RRM1: variants seen among roughly 807,000 people sequenced by gnomAD.
The protein encoded by RRM1 is ribonucleotide reductase catalytic subunit M1.
In RRM1, 19 loss-of-function variants were observed where a neutral mutation model predicts 101.5. The observed-to-expected ratio is 0.19, with a 90% CI of 0.13 to 0.27. The LOEUF is 0.27. Among genes scored for constraint, RRM1 ranks in the 10% least tolerant of loss-of-function variants. RRM1 has a pLI of 1.00. For synonymous variants in RRM1, 298 were observed against 323.4 expected (o/e 0.92, Z 0.84); for missense variants, 500 against 962.9 (o/e 0.52, Z 6.36).
chr11:4,116,909 G>A (rs111779604), intron 7 of RRM1, among the ~76,000 whole-genome samples: 2 of 151,728 alleles, frequency 1.3e-5, no homozygotes, highest in African/African-American at 4.8e-5. Flanking sequence ...CAAAGCTGCT[G>A]TGAGCTATGA....
intron 7 of RRM1, 143 bp downstream of exon 7, chr11:4,112,205 T>TA (rs1244400763): frequency 1.6e-6 from 1 of 617,020 alleles, no homozygotes; most frequent in East Asian, 2.8e-5. Flanking sequence ...TCTCTGACTG[T>TA]AATGTGGTAA....
intron 1 of RRM1, 190 bp from the exon 2 acceptor site, chr11:4,101,803 A>G: frequency 1.8e-6 from 1 of 568,278 alleles, no homozygotes; most frequent in Non-Finnish European, 3.1e-6. Flanking sequence ...TATAGAATTC[A>G]TACTCTTTGA....
chr11:4,108,627 AATTG>A (rs1280714371), intron 4 of RRM1, among the ~76,000 whole-genome samples: 2 of 144,646 alleles, frequency 1.4e-5, no homozygotes, highest in Admixed American at 7.0e-5. Context: ...AAGAATGATT[AATTG>A]ACTATCTCTC....
intron 18 of RRM1, among the ~76,000 whole-genome samples, chr11:4,136,074 C>T (rs1479123491): frequency 6.6e-6 from 1 of 151,728 alleles, no homozygotes; most frequent in Non-Finnish European, 1.5e-5. Context: ...TTTGACCTTT[C>T]CAAAGAGATA....
chr11:4,135,303 C>T (rs1176994143), intron 18 of RRM1, 33 bp downstream of exon 18: 3 of 1,470,420 alleles, frequency 2.0e-6, no homozygotes, highest in Non-Finnish European at 2.8e-6. Flanking sequence ...TACTTAATTG[C>T]CAGCTTGAGA....
Position 4,118,263 on chromosome 11 carries a change from T to C in RRM1, c.651-57T>C, listed in dbSNP as rs1252806781. ...TTAGTGTCTTTGTGTTGAGTAATCA[T>C]TTTTGTGACTCTGCTTCATTTCCTT... On this transcript the variant is annotated intron_variant, in intron 7 of 18. Transcript: ENST00000300738. The C allele has an allele frequency of 2.0e-6, 3 of 1,535,648 alleles. No individual in the cohort carries two copies. In the African/African-American group the frequency reaches 4.1e-5, roughly 21 times the overall value.
At chr11:4,114,580 C>T (rs1452865730) in intron 7 of RRM1, among the ~76,000 whole-genome samples, 8 of 151,854 alleles carry the variant, frequency 5.3e-5, no homozygotes, top group Admixed American at 5.3e-4. Flanking sequence ...ATATGAAGGC[C>T]TAGTACATTA....
rs377479513 is a variant in RRM1 at position 4,111,632 on chromosome 11, A to G, written c.479A>G (p.Asn160Ser). 97 of 1,604,878 alleles carry G rather than the reference A, an allele frequency of 6.0e-5. No individual in the cohort carries two copies. Among genetic ancestry groups the G allele is most frequent in the African/African-American group, 9.4e-5 (7 of 74,824 alleles). Residue 160 changes from asparagine (N) to serine (S), a missense_variant, in exon 6 of 19, where the codon AAT becomes AGT. Asn to Ser is a conservative substitution (Grantham distance 46, BLOSUM62 1). Coordinates refer to ENST00000300738, the MANE Select transcript of RRM1 (RefSeq NM_001033.5). ...GAGCGGTCTTATTTGTTGAAGATCA[A>G]TGGAAAAGGTGAGAAATGAACATGT... ...TLERSYLLKI[N>S]GKVAERPQHM...
intron 1 of RRM1, among the ~76,000 whole-genome samples, chr11:4,098,543 G>T (rs1023691695): frequency 1.3e-5 from 2 of 152,030 alleles, no homozygotes; most frequent in Admixed American, 1.3e-4. Context: ...AGCTTCCAAA[G>T]ATCCTACAAT....
In RRM1 at chr11:4,130,086, A is replaced by ATATATATTTTTTTT. The variant is rs1202870487; in HGVS notation, c.1769+937_1769+938insATATATTTTTTTTT. Among the ~76,000 whole-genome samples, 26 of 99,444 alleles carry ATATATATTTTTTTT rather than the reference A, an allele frequency of 2.6e-4. 1 individual carries two copies. The highest frequency in any genetic ancestry group is 5.4e-4 in the African/African-American group (10 of 18,642). The allele number at this position is 99,444 out of a possible 152,430, so 65.2% of individuals were successfully genotyped here. On this transcript the variant is annotated intron_variant, in intron 15 of 18. Coordinates refer to ENST00000300738, the MANE Select transcript of RRM1 (RefSeq NM_001033.5). Reference sequence around the variant, plus strand: ...TGTATTTATATATATATATATATATATTTTTTTTTTTTTTTTTTCCCCTCA... The same window carrying ATATATATTTTTTTT: ...TGTATTTATATATATATATATATATATATATATTTTTTTTTTTTTTTTTTTTTTTTTTCCCCTCA...
intron 7 of RRM1, among the ~76,000 whole-genome samples, chr11:4,112,962 G>C (rs2094567642): frequency 6.6e-6 from 1 of 152,026 alleles, no homozygotes; most frequent in Non-Finnish European, 1.5e-5. Context: ...GTGATACCTT[G>C]ATTAAGATAA....
At chr11:4,115,860 C>T (rs1409992149) in intron 7 of RRM1, among the ~76,000 whole-genome samples, 4 of 152,120 alleles carry the variant, frequency 2.6e-5, no homozygotes, top group African/African-American at 9.7e-5. Context: ...CCTGGCCCTA[C>T]TTCCACTTAT....
chr11:4,111,711 G>A (rs2094565834), intron 6 of RRM1, 71 bp downstream of exon 6: 2 of 1,354,368 alleles, frequency 1.5e-6, no homozygotes, highest in South Asian at 2.6e-5. Flanking sequence ...TGAGCTATAA[G>A]TCTTAATATT....
rs184314978 is a variant in RRM1 at position 4,125,168 on chromosome 11, C to T, written c.1321-1516C>T. Reference sequence around the variant, plus strand: ...GACCTCGTGATCCGCCCACCTCAGCCTCCCAAAGTGTTGGGATTACAGGCG... The same window carrying T: ...GACCTCGTGATCCGCCCACCTCAGCTTCCCAAAGTGTTGGGATTACAGGCG... On this transcript the variant is annotated intron_variant, in intron 12 of 18. Coordinates refer to ENST00000300738, the MANE Select transcript of RRM1 (RefSeq NM_001033.5). Among the ~76,000 whole-genome samples, 32 of 152,264 alleles carry T rather than the reference C, an allele frequency of 2.1e-4. 1 individual carries two copies. In the East Asian group the frequency reaches 5.0e-3, roughly 24 times the overall value.
chr11:4,113,015 A>G (rs186397893), intron 7 of RRM1, among the ~76,000 whole-genome samples: 73 of 152,304 alleles, frequency 4.8e-4, no homozygotes, highest in South Asian at 1.4e-3. Context: ...TTGACAGAAT[A>G]TGGGTCAAGA....
intron 12 of RRM1, among the ~76,000 whole-genome samples, chr11:4,125,148 C>T (rs932503920): frequency 6.6e-6 from 1 of 152,052 alleles, no homozygotes; most frequent in African/African-American, 2.4e-5. Flanking sequence ...CTCTTGACCT[C>T]GTGATCCGCC....
At chr11:4,118,986 T>C (rs868430073) in intron 8 of RRM1, 2 of 152,406 alleles carry the variant, frequency 1.3e-5, no homozygotes. Context: ...ATTTATGCAT[T>C]GACACTTTAT....
intron 12 of RRM1, among the ~76,000 whole-genome samples, chr11:4,125,953 C>T (rs2094588840): frequency 6.6e-6 from 1 of 152,176 alleles, no homozygotes; most frequent in Non-Finnish European, 1.5e-5. Flanking sequence ...AAGACTTTGG[C>T]TTGGGATAGT....
In RRM1 at chr11:4,094,916, A is replaced by C; in HGVS notation, c.-97A>C. On this transcript the variant is annotated 5_prime_UTR_variant, in exon 1 of 19. Transcript: ENST00000300738. ...TTCTTTCCCCTGAGCAGCGCCTGGA[A>C]CCTAACCCTTCCCACTCTGTCACCT... 2 of 1,331,750 alleles carry C rather than the reference A, an allele frequency of 1.5e-6. No homozygotes were observed. The highest frequency in any genetic ancestry group is 2.1e-6 in the Non-Finnish European group (2 of 946,896). 82.5% of individuals were successfully genotyped at this position (1,331,750 alleles called of 1,614,324 possible).
Sources: allele counts gnomAD v4.1 joint callset (sites outside exome capture counted in the v4.1 genomes callset), GRCh38; gene constraint gnomAD v4.1.1; transcripts MANE v1.5; gene names NCBI Gene and HGNC (gene_info 2026-07-23, HGNC 2026-07-21).